The following TTC28 variants were observed in gnomAD, a reference collection of about 807,000 sequenced individuals.
The protein encoded by TTC28 is tetratricopeptide repeat domain 28.
In TTC28, 61 loss-of-function variants were observed where a neutral mutation model predicts 198.0. The ratio of observed to expected loss-of-function variants is 0.31; its 90% confidence interval spans 0.25 to 0.38. The LOEUF (loss-of-function observed/expected upper bound fraction) is 0.38, where lower values mean the gene tolerates loss of function less well. Ranked by LOEUF, TTC28 falls within the 10% of genes least tolerant of loss-of-function variation. TTC28 has a pLI of 1.00. For missense variants in TTC28, 2,678 were observed against 3,164.0 expected (o/e 0.85, Z 3.69); for synonymous variants, 1,171 against 1,297.8 (o/e 0.90, Z 2.10).
chr22:28,133,218 C>T (rs974551415), intron 6 of TTC28, among the ~76,000 whole-genome samples: 1 of 152,156 alleles, frequency 6.6e-6, no homozygotes, highest in Admixed American at 6.5e-5. Flanking sequence ...GTGAATGTGA[C>T]TCTGTCTCAA....
At chr22:28,564,185 A>G (rs1014008458) in intron 2 of TTC28, among the ~76,000 whole-genome samples, 6 of 152,218 alleles carry the variant, frequency 3.9e-5, no homozygotes, top group African/African-American at 1.4e-4. Flanking sequence ...TGGGGCGATG[A>G]AAATGTTTTG....
intron 13 of TTC28, among the ~76,000 whole-genome samples, chr22:28,015,380 A>T (rs1381371040): frequency 6.7e-6 from 1 of 148,178 alleles, no homozygotes; most frequent in African/African-American, 2.5e-5. Flanking sequence ...TTTTTTTTTT[A>T]AACAGACAAG....
chr22:28,492,475 G>T (rs2048393419), intron 2 of TTC28, among the ~76,000 whole-genome samples: 1 of 151,760 alleles, frequency 6.6e-6, no homozygotes, highest in Non-Finnish European at 1.5e-5. Flanking sequence ...AATAAAATGA[G>T]ATATTTTATT....
At position 27,993,206 on chromosome 22, in the gene TTC28, T is replaced by C. The variant is rs1344774752; in HGVS notation, c.5476+81A>G. The C allele has an allele frequency of 4.7e-6, 6 of 1,282,328 alleles. No homozygotes were observed. In the African/African-American group the frequency reaches 9.0e-5, roughly 19 times the overall value. 79.4% of individuals were successfully genotyped at this position (1,282,328 alleles called of 1,614,324 possible). ...CTAGCTGGGAGATCCAGCATCCTCA[T>C]GAATGCGGGGCCCAAGGCCACCAAC... is the stretch of plus-strand genomic sequence containing the variant. On this transcript the variant is annotated intron_variant, in intron 18 of 22. Transcript: ENST00000397906.
intron 2 of TTC28, among the ~76,000 whole-genome samples, chr22:28,450,029 G>A (rs1207263199): frequency 6.6e-6 from 1 of 152,090 alleles, no homozygotes; most frequent in Non-Finnish European, 1.5e-5. Flanking sequence ...TAGGATCTAA[G>A]GTACTTAGAG....
chr22:28,501,598 T>TC (rs2048538931), intron 2 of TTC28, among the ~76,000 whole-genome samples: 1 of 152,030 alleles, frequency 6.6e-6, no homozygotes, highest in South Asian at 2.1e-4. Flanking sequence ...GTAATAGATA[T>TC]CCCAAATACC....
chr22:28,189,165 T>G (rs554460397), intron 5 of TTC28, among the ~76,000 whole-genome samples: 23 of 152,080 alleles, frequency 1.5e-4, no homozygotes, highest in Non-Finnish European at 2.9e-4. Flanking sequence ...CTGGGCAACA[T>G]AGCAAGACCT....
At chr22:28,655,766 G>C (rs1445561428) in intron 1 of TTC28, among the ~76,000 whole-genome samples, 2 of 151,964 alleles carry the variant, frequency 1.3e-5, no homozygotes, top group African/African-American at 4.8e-5. Flanking sequence ...CAGGAGAATG[G>C]CGTGAACCCG....
chr22:28,631,934 C>A (rs1398958109), intron 1 of TTC28, among the ~76,000 whole-genome samples: 4 of 152,012 alleles, frequency 2.6e-5, no homozygotes, highest in Non-Finnish European at 1.5e-5. Context: ...GCAAGCTTGC[C>A]CTAAGTGAAA....
chr22:28,360,513 TG>T (rs1345221532), intron 2 of TTC28, among the ~76,000 whole-genome samples: 1 of 152,212 alleles, frequency 6.6e-6, no homozygotes, highest in East Asian at 1.9e-4. Context: ...TTTCTTTGGT[TG>T]TTTTAAAAGC....
At chr22:28,425,841 C>A (rs933291458) in intron 2 of TTC28, among the ~76,000 whole-genome samples, 2 of 152,152 alleles carry the variant, frequency 1.3e-5, no homozygotes, top group South Asian at 4.1e-4. Context: ...AACAATATCT[C>A]TTCAGTCTTG....
chr22:28,159,292 T>C (rs1943829874), intron 6 of TTC28, among the ~76,000 whole-genome samples: 1 of 152,064 alleles, frequency 6.6e-6, no homozygotes. Context: ...CCTAGCACAC[T>C]GTTGGTGGGA....
chr22:28,590,763 C>T (rs1569044594), intron 2 of TTC28, among the ~76,000 whole-genome samples: 2 of 151,336 alleles, frequency 1.3e-5, no homozygotes, highest in African/African-American at 4.9e-5. Context: ...AATCCCAGCA[C>T]TTTGGGAGGC....
intron 2 of TTC28, among the ~76,000 whole-genome samples, chr22:28,532,279 C>T (rs1357138400): frequency 6.6e-6 from 1 of 152,162 alleles, no homozygotes. Flanking sequence ...TTATAAACAC[C>T]TCTATGCAAA....
At chr22:28,470,136 C>CA (rs2048079265) in intron 2 of TTC28, among the ~76,000 whole-genome samples, 1 of 152,180 alleles carries the variant, frequency 6.6e-6, no homozygotes, top group East Asian at 1.9e-4. Context: ...TAAGCCACCA[C>CA]ACTCAGCCTA....
rs139282856 is a variant in TTC28 at position 28,640,567 on chromosome 22, A to AAATAATAATAATAATAAT, written c.103-10755_103-10738dup. 3.8e-4 allele frequency among the ~76,000 whole-genome samples: 56 copies of AAATAATAATAATAATAAT among 147,368 alleles called. 1 individual carries two copies. The highest frequency in any genetic ancestry group is 1.4e-3 in the East Asian group (7 of 4,998). On this transcript the variant is annotated intron_variant, in intron 1 of 22. Coordinates refer to ENST00000397906, the MANE Select transcript of TTC28 (RefSeq NM_001145418.2). ...TACGTCTGTCATAGTCAAACTGTTA[A>AAATAATAATAATAATAAT]AATAATAATAATAATAATAATAATA...
intron 2 of TTC28, among the ~76,000 whole-genome samples, chr22:28,357,763 T>TCCCCATCCAATAC: frequency 6.6e-6 from 1 of 152,230 alleles, no homozygotes; most frequent in Non-Finnish European, 1.5e-5. Context: ...TCCCCAGTGT[T>TCCCCATCCAATAC]CCCCATCCAA....
chr22:28,567,850 G>C (rs1359659823), intron 2 of TTC28, among the ~76,000 whole-genome samples: 1 of 151,912 alleles, frequency 6.6e-6, no homozygotes, highest in Non-Finnish European at 1.5e-5. Context: ...ATGAAAAACT[G>C]CATAAGGGGA....
intron 2 of TTC28, among the ~76,000 whole-genome samples, chr22:28,469,153 A>G (rs2048066651): frequency 6.6e-6 from 1 of 152,178 alleles, no homozygotes; most frequent in Non-Finnish European, 1.5e-5. Flanking sequence ...CACTTGACCA[A>G]ATTAGAGCTT....
Sources: gnomAD v4.1 joint callset for allele counts (sites outside exome capture counted in the v4.1 genomes callset) on GRCh38, gnomAD v4.1.1 for gene constraint, MANE v1.5 for transcripts, NCBI Gene and HGNC (gene_info 2026-07-23, HGNC 2026-07-21) for gene names.